SGCD: variants seen among roughly 807,000 people sequenced by gnomAD.
The protein encoded by SGCD is sarcoglycan delta.
SGCD carries 18 observed loss-of-function variants against 36.6 expected under a neutral mutation model. The observed-to-expected ratio is 0.49, with a 90% confidence interval of 0.34 to 0.73. The LOEUF is 0.73. Ranked by LOEUF, SGCD falls within the 30% of genes least tolerant of loss-of-function variation. The pLI is 0.01. For synonymous variants in SGCD, 133 were observed against 130.6 expected, an observed-to-expected ratio of 1.02 and a Z score of -0.12; for missense variants, 387 against 346.7, an observed-to-expected ratio of 1.12 and a Z score of -0.92.
chr5:155,886,519 TGTGC>T (rs1756007940), intron 1 of SGCD, among the ~76,000 whole-genome samples: 1 of 150,044 alleles, frequency 6.7e-6, no homozygotes, highest in Admixed American at 6.6e-5. Context: ...TGCGTGTGTG[TGTGC>T]GTGGGCGCGT....
intron 1 of SGCD, among the ~76,000 whole-genome samples, chr5:156,005,675 C>T (rs1028119526): frequency 1.3e-5 from 2 of 152,194 alleles, no homozygotes; most frequent in East Asian, 1.9e-4. Flanking sequence ...TGGTCTCTGT[C>T]TCCTGACCTC....
At chr5:156,404,637 T>G (rs1284106048) in intron 3 of SGCD, among the ~76,000 whole-genome samples, 5 of 152,236 alleles carry the variant, frequency 3.3e-5, no homozygotes. Context: ...TCAAAACACT[T>G]TATATGTATA....
rs1759508289 is a variant in SGCD, at chr5:156,036,777, AAG to A, written c.-281-81098_-281-81097del. Among the ~76,000 whole-genome samples the A allele has an allele frequency of 2.0e-5, 3 of 152,268 alleles. No individual in the cohort carries two copies. The South Asian group carries it at 6.2e-4, about 32-fold the overall frequency. On this transcript the variant is annotated intron_variant, in intron 1 of 9. Coordinates refer to the SGCD transcript ENST00000517913. ...ACTTGGTGGGGCCTGGTAGGTTCCT[AAG>A]AGTGGCTCATACTCTGTGTTAAGAT...
chr5:155,983,061 T>G (rs550639746), intron 1 of SGCD, among the ~76,000 whole-genome samples: 48 of 152,328 alleles, frequency 3.2e-4, no homozygotes, highest in Non-Finnish European at 6.0e-4. Flanking sequence ...AGATAATGCT[T>G]GTGTTTTTTA....
At chr5:156,662,203 G>C (rs200997230) in intron 7 of SGCD, among the ~76,000 whole-genome samples, 4 of 143,284 alleles carry the variant, frequency 2.8e-5, no homozygotes, top group African/African-American at 5.4e-5. Context: ...AGTAATTTTT[G>C]AAAATCATTT....
intron 4 of SGCD, among the ~76,000 whole-genome samples, chr5:156,527,832 G>T (rs1016071253): frequency 6.6e-6 from 1 of 152,160 alleles, no homozygotes; most frequent in Non-Finnish European, 1.5e-5. Flanking sequence ...GGGGGCCGAG[G>T]CCCTTGCTGG....
chr5:156,377,996 G>C (rs888628528), intron 3 of SGCD, among the ~76,000 whole-genome samples: 1 of 152,060 alleles, frequency 6.6e-6, no homozygotes, highest in Admixed American at 6.6e-5. Flanking sequence ...TTTCACTTCT[G>C]GGTATAGATC....
the SGCD span, among the ~76,000 whole-genome samples, chr5:155,853,680 C>T: frequency 1.5e-4 from 23 of 152,242 alleles, no homozygotes; most frequent in African/African-American, 5.5e-4. Context: ...CTTGTGTCAA[C>T]GTTCCCAGAG....
the SGCD span, among the ~76,000 whole-genome samples, chr5:155,813,826 G>C: frequency 1.3e-5 from 2 of 152,188 alleles, no homozygotes; most frequent in Non-Finnish European, 2.9e-5. Context: ...AGGATAGATA[G>C]TAAAATGGTA....
chr5:155,762,792 A>G, the SGCD span, among the ~76,000 whole-genome samples: 1 of 152,168 alleles, frequency 6.6e-6, no homozygotes, highest in African/African-American at 2.4e-5. Context: ...TCATAATACA[A>G]TTCACTGTAG....
At chr5:156,575,487 GT>G (rs1460617793) in intron 4 of SGCD, among the ~76,000 whole-genome samples, 1 of 152,170 alleles carries the variant, frequency 6.6e-6, no homozygotes, top group Non-Finnish European at 1.5e-5. Flanking sequence ...CAATTTACCA[GT>G]ATGCAAGTCT....
At chr5:155,918,506 T>C (rs1029226631) in intron 1 of SGCD, among the ~76,000 whole-genome samples, 2 of 152,146 alleles carry the variant, frequency 1.3e-5, no homozygotes, top group African/African-American at 4.8e-5. Context: ...GAGTTTGCAG[T>C]GAGCTGAGAT....
At chr5:156,179,058 A>T (rs1763541391) in intron 3 of SGCD, among the ~76,000 whole-genome samples, 1 of 152,190 alleles carries the variant, frequency 6.6e-6, no homozygotes, top group African/African-American at 2.4e-5. Context: ...ATGACTGTTG[A>T]CATGTGACTG....
At chr5:156,620,800 T>C (rs184403063) in intron 6 of SGCD, among the ~76,000 whole-genome samples, 1 of 152,308 alleles carries the variant, frequency 6.6e-6, no homozygotes, top group African/African-American at 2.4e-5. Context: ...AGGAATTACT[T>C]ACTTTCCCAA....
intron 4 of SGCD, among the ~76,000 whole-genome samples, chr5:156,565,189 AATC>A (rs1406142670): frequency 8.5e-5 from 13 of 152,314 alleles, no homozygotes; most frequent in African/African-American, 2.9e-4. Flanking sequence ...CATTTGTCTT[AATC>A]ATTTTGTTTG....
At chr5:156,505,234 G>A (rs1184615456) in intron 3 of SGCD, among the ~76,000 whole-genome samples, 3 of 152,206 alleles carry the variant, frequency 2.0e-5, no homozygotes, top group Non-Finnish European at 4.4e-5. Flanking sequence ...CCCCCAGCCT[G>A]TTGCCTCTCA....
At chr5:156,262,451 A>G (rs1032345995) in intron 3 of SGCD, among the ~76,000 whole-genome samples, 130 of 152,086 alleles carry the variant, frequency 8.5e-4, no homozygotes, top group African/African-American at 3.0e-3. Flanking sequence ...GTACAGGTGC[A>G]CTCTATGATG....
upstream of SGCD, among the ~76,000 whole-genome samples, chr5:155,865,515 A>G (rs1580959319): frequency 6.6e-6 from 1 of 152,280 alleles, no homozygotes; most frequent in South Asian, 2.1e-4. Context: ...AGTTAAAACC[A>G]AAAATGTAGA....
rs527986298 is a variant in SGCD at position 155,957,986 on chromosome 5, C to T, written c.-282+87562C>T. 2.1e-3 allele frequency among the ~76,000 whole-genome samples: 320 copies of T among 152,046 alleles called. 2 individuals carry two copies. The highest frequency in any genetic ancestry group is 7.1e-3 in the African/African-American group (293 of 41,478). On this transcript the variant is annotated intron_variant, in intron 1 of 9. Transcript: ENST00000517913. ...TTGTGGAAGTTCTTTTCTGATTACT[C>T]GGTAAGGGAAGAAGGAAAGTCAACA...
Sources: allele counts gnomAD v4.1 joint callset (sites outside exome capture counted in the v4.1 genomes callset), GRCh38; gene constraint gnomAD v4.1.1; transcripts MANE v1.5; gene names NCBI Gene and HGNC (gene_info 2026-07-23, HGNC 2026-07-21).